PDK4: variants seen among roughly 807,000 people sequenced by gnomAD.
PDK4 encodes pyruvate dehydrogenase kinase, isozyme 4.
A neutral mutation model predicts 51.7 loss-of-function variants in PDK4; 43 were observed. That is an observed-to-expected ratio of 0.83 (90% CI 0.65 to 1.07). PDK4 has a LOEUF of 1.07. PDK4 is among the 50% of genes least tolerant of loss of function. The pLI, the probability that PDK4 is intolerant of heterozygous loss-of-function variation, is 0.00. For synonymous variants in PDK4, 170 were observed against 176.6 expected, an observed-to-expected ratio of 0.96 and a Z score of 0.30; for missense variants, 498 against 503.5, an observed-to-expected ratio of 0.99 and a Z score of 0.10.
intron 6 of PDK4, among the ~76,000 whole-genome samples, chr7:95,591,695 A>G (rs3815024): frequency 0.017 from 2,517 of 152,250 alleles, 31 homozygotes; most frequent in Non-Finnish European, 0.027. Flanking sequence ...CTCATATTCT[A>G]TAGGAAGTAA....
chr7:95,593,718 C>G lies in PDK4; in HGVS notation c.325G>C (p.Asp109His). Reference sequence around the variant, plus strand: ...GCTTACTCTGATAATGCTTTCTGGTCATCTGGGCTTTTCTCATGGAATTCC... The same window carrying G: ...GCTTACTCTGATAATGCTTTCTGGTGATCTGGGCTTTTCTCATGGAATTCC... The part of the protein sequence containing the change: ...LVEFHEKSPD[D>H]QKALSDFVDT... The change falls in exon 3 of 11, where the codon GAC becomes CAC. Residue 109 changes from aspartate to histidine, a missense_variant. By Grantham distance (81) the Asp-to-His change is moderately conservative. Transcript: ENST00000005178. The G allele has an allele frequency of 6.5e-7, 1 of 1,546,730 alleles. No individual in the cohort carries two copies.
intron 7 of PDK4, 89 bp from the exon 8 acceptor site, chr7:95,587,914 A>T (rs1791507534): frequency 1.2e-6 from 1 of 822,402 alleles, no homozygotes; most frequent in Admixed American, 2.4e-5. Flanking sequence ...TAAAAGTAGC[A>T]CAGAGGGTAA....
chr7:95,585,698 A>G lies in PDK4; in HGVS notation c.1179T>C (p.Asp393=), dbSNP rs372577409. The G allele has an allele frequency of 6.0e-5, 97 of 1,612,220 alleles. No individual in the cohort carries two copies. The African/African-American group carries it at 1.1e-3, about 19-fold the overall frequency. The change falls in exon 11 of 11, where the codon GAT becomes GAC. Residue 393 remains aspartate (D), a synonymous_variant. Coordinates refer to ENST00000005178, the MANE Select transcript of PDK4 (RefSeq NM_002612.4). ...GTTCCCTGCTTGGGATACACCAGTCATCAGCCTCAGAGCTCATCTGATAAT... is the reference window on the plus strand; with the variant it reads ...GTTCCCTGCTTGGGATACACCAGTCGTCAGCCTCAGAGCTCATCTGATAAT... ...FKHYQMSSEA[D]DWCIPSREPK...
chr7:95,586,842 T>C (rs937977224), intron 10 of PDK4, 168 bp downstream of exon 10: 3 of 490,646 alleles, frequency 6.1e-6, no homozygotes, highest in Non-Finnish European at 1.1e-5. Flanking sequence ...TGGTAAGTTA[T>C]CATATTAAAT....
intron 2 of PDK4, 92 bp downstream of exon 2, chr7:95,594,931 C>T (rs1299888400): frequency 5.3e-6 from 4 of 761,408 alleles, no homozygotes; most frequent in Non-Finnish European, 6.2e-6. Flanking sequence ...TTCAGATCAC[C>T]TGTTTTCCAA....
Position 95,592,931 on chromosome 7 carries a change from G to C in PDK4, c.358C>G (p.Leu120Val). Residue 120 changes from leucine to valine, a missense_variant, in exon 4 of 11, where the codon CTC (leucine) becomes GTC (valine). Leu to Val is a conservative substitution (Grantham distance 32). Transcript: ENST00000005178. The part of the protein sequence containing the change: ...QKALSDFVDT[L>V]IKVRNRHHNV... Reference sequence around the variant, plus strand: ...TGGTGTCTATTTCGAACTTTGATGAGTGTATCTACAAAGCTAAGCCACAAT... The same window carrying C: ...TGGTGTCTATTTCGAACTTTGATGACTGTATCTACAAAGCTAAGCCACAAT... 1 of 1,589,676 alleles carries C rather than the reference G, an allele frequency of 6.3e-7. No homozygotes were observed. Among genetic ancestry groups the C allele is most frequent in the Non-Finnish European group, 8.6e-7 (1 of 1,166,188 alleles).
At position 95,592,546 on chromosome 7, in the gene PDK4, A is replaced by G. The variant is rs953144848; in HGVS notation, c.581T>C (p.Ile194Thr). ...QTGNPSHIGS[I>T]DPNCDVVAVV... ...TGCTACCACATCACAGTTAGGATCA[A>G]TGCTTCCAATGTGGCTTGGGTTTCC... Residue 194 changes from isoleucine to threonine, a missense_variant, in exon 5 of 11, where the codon ATT becomes ACT. Transcript: ENST00000005178. 7 of 1,610,980 alleles carry G rather than the reference A, an allele frequency of 4.3e-6. No individual in the cohort carries two copies. In the Admixed American group the frequency reaches 6.7e-5, roughly 15 times the overall value.
chr7:95,594,881 T>G (rs963431837), intron 2 of PDK4, 142 bp downstream of exon 2: 1 of 483,706 alleles, frequency 2.1e-6, no homozygotes, highest in Non-Finnish European at 3.6e-6. Context: ...TTACCCTAAA[T>G]TAATTTTAAA....
intron 10 of PDK4, 68 bp from the exon 11 acceptor site, chr7:95,585,849 TATTACTCAAAATACATTCAGAG>T: frequency 7.3e-7 from 1 of 1,376,724 alleles, no homozygotes; most frequent in Non-Finnish European, 1.0e-6. Context: ...CACTTGAAGT[TATTACTCAAAATACATTCAGAG>T]GTAAGTATCC....
At chr7:95,594,647 G>A (rs10251393) in intron 2 of PDK4, 7,257 of 153,700 alleles carry the variant, frequency 0.047, 606 homozygotes, top group African/African-American at 0.17. Flanking sequence ...CAAAGATTAG[G>A]CCTTCCCTAA....
At chr7:95,593,975 C>T (rs551859881) in intron 2 of PDK4, among the ~76,000 whole-genome samples, 9 of 152,130 alleles carry the variant, frequency 5.9e-5, no homozygotes, top group Admixed American at 2.6e-4. Flanking sequence ...TAAAATTTAA[C>T]GCAAAATGTT....
intron 6 of PDK4, 133 bp downstream of exon 6, chr7:95,591,855 C>CA (rs748525927): frequency 7.6e-5 from 42 of 555,024 alleles, no homozygotes; most frequent in Middle Eastern, 4.9e-4. Flanking sequence ...ACCTTGTCTT[C>CA]AAAAAAAATG....
In PDK4 at chr7:95,587,063, G is replaced by T. The variant is rs1381503596; in HGVS notation, c.1042C>A (p.Leu348Met). Residue 348 changes from leucine (L) to methionine (M), a missense_variant, in exon 10 of 11, where the codon CTG becomes ATG. By Grantham distance (15) the Leu-to-Met change is conservative. Transcript: ENST00000005178. ...TATCCTGATAAAGAGTAGAGATTCA[G>T]ATCTCCTTGAAAGTACTTTGCATAC... is the stretch of plus-strand genomic sequence containing the variant. The part of the protein sequence containing the change: ...RLYAKYFQGD[L>M]NLYSLSGYGT... The T allele has an allele frequency of 2.5e-6, 4 of 1,612,384 alleles. No individual in the cohort carries two copies. Among genetic ancestry groups the T allele is most frequent in the Middle Eastern group, 1.6e-4 (1 of 6,062 alleles).
chr7:95,586,814 A>G (rs554186102), intron 10 of PDK4, 196 bp downstream of exon 10: 255 of 462,770 alleles, frequency 5.5e-4, no homozygotes, highest in Middle Eastern at 4.1e-3. Context: ...GGCAGGTAGT[A>G]TGGCCCAGCT....
At position 95,596,157 on chromosome 7, in the gene PDK4, C is replaced by T; in HGVS notation, c.130+7G>A. 2 of 1,600,612 alleles carry T rather than the reference C, an allele frequency of 1.2e-6. No individual in the cohort carries two copies. The highest frequency in any genetic ancestry group is 1.7e-6 in the Non-Finnish European group (2 of 1,173,938). ...GGACCCAGCTTGGGCCCTGTGTCCC[C>T]TCTCACCAAAGTCCAGTAGCTGCTT... is the stretch of plus-strand genomic sequence containing the variant. On this transcript the variant is annotated splice_region_variant and intron_variant, in intron 1 of 10. Coordinates refer to ENST00000005178, the MANE Select transcript of PDK4 (RefSeq NM_002612.4).
In PDK4 at chr7:95,593,700, C is replaced by T; in HGVS notation, c.343G>A (p.Asp115Asn). Residue 115 changes from aspartate to asparagine, a missense_variant and splice_region_variant, in exon 3 of 11, where the codon GAC becomes AAC. Asp to Asn is a conservative substitution (Grantham distance 23). Coordinates refer to ENST00000005178, the MANE Select transcript of PDK4 (RefSeq NM_002612.4). ...KSPDDQKALS[D>N]FVDTLIKVRN... The stretch of plus-strand genomic sequence containing the variant: ...CTTATTCTAATGCATAGAGCTTACT[C>T]TGATAATGCTTTCTGGTCATCTGGG... 6.8e-7 allele frequency: 1 copy of T among 1,466,164 alleles called. No individual in the cohort carries two copies. The highest frequency in any genetic ancestry group is 1.4e-5 in the African/African-American group (1 of 72,124). 90.8% of individuals were successfully genotyped at this position (1,466,164 alleles called of 1,614,324 possible).
Position 95,587,767 on chromosome 7 carries a change from T to C in PDK4, c.830A>G (p.Glu277Gly). 6.2e-7 allele frequency: 1 copy of C among 1,612,948 alleles called. No individual in the cohort carries two copies. The highest frequency in any genetic ancestry group is 8.5e-7 in the Non-Finnish European group (1 of 1,179,036). Reference protein sequence around the residue: ...QENQPSLTPIEVIVVLGKEDL... With the variant: ...QENQPSLTPIGVIVVLGKEDL... ...TTCTTTTCCCAAGACAACAATAACC[T>C]CTATTGGTGTAAGGGAAGGCTGATT... Residue 277 changes from glutamate (E) to glycine (G), a missense_variant, in exon 8 of 11, where the codon GAG becomes GGG. Physicochemically the swap from Glu to Gly is moderately conservative, Grantham distance 98. Transcript: ENST00000005178.
intron 6 of PDK4, 29 bp downstream of exon 6, chr7:95,591,959 G>A (rs754089089): frequency 8.6e-7 from 1 of 1,157,918 alleles, no homozygotes; most frequent in Non-Finnish European, 1.3e-6. Context: ...ATTTTCCACA[G>A]GTTAAAATAT....
intron 2 of PDK4, among the ~76,000 whole-genome samples, chr7:95,594,170 T>C (rs1013346976): frequency 1.3e-5 from 2 of 152,222 alleles, no homozygotes; most frequent in African/African-American, 4.8e-5. Context: ...ATTGAATATA[T>C]GTTTTAGATT....
Sources: gnomAD v4.1 joint callset for allele counts (sites outside exome capture counted in the v4.1 genomes callset) on GRCh38, gnomAD v4.1.1 for gene constraint, MANE v1.5 for transcripts, NCBI Gene and HGNC (gene_info 2026-07-23, HGNC 2026-07-21) for gene names.